FAM135B: variants seen among roughly 807,000 people sequenced by gnomAD.
The protein encoded by FAM135B is protein FAM135B.
A neutral mutation model predicts 127.7 loss-of-function variants in FAM135B; 43 were observed. The observed-to-expected ratio is 0.34, with a 90% CI of 0.26 to 0.43. The LOEUF (loss-of-function observed/expected upper bound fraction) is 0.43, where lower values mean the gene tolerates loss of function less well. FAM135B is among the 20% of genes least tolerant of loss of function. The probability of loss-of-function intolerance (pLI) is 1.00; values close to 1 mark genes in which losing one functional copy is unlikely to be tolerated. For missense variants in FAM135B, 1,558 were observed against 1,725.6 expected, an observed-to-expected ratio of 0.90 and a Z score of 1.72; for synonymous variants, 670 against 665.1, an observed-to-expected ratio of 1.01 and a Z score of -0.11.
chr8:138,260,484 TAA>T (rs1822457018), intron 4 of FAM135B, among the ~76,000 whole-genome samples: 1 of 152,162 alleles, frequency 6.6e-6, no homozygotes, highest in Non-Finnish European at 1.5e-5. Flanking sequence ...ACTGTTCTTA[TAA>T]CTCATCCTGA....
At chr8:138,426,037 AC>A (rs1243125366) in intron 1 of FAM135B, among the ~76,000 whole-genome samples, 1 of 80,274 alleles carries the variant, frequency 1.2e-5, no homozygotes, top group African/African-American at 6.9e-5. Context: ...ATACACACAC[AC>A]ACACACACAC....
intron 7 of FAM135B, among the ~76,000 whole-genome samples, chr8:138,199,401 G>T (rs1816926972): frequency 6.6e-6 from 1 of 152,180 alleles, no homozygotes; most frequent in Admixed American, 6.5e-5. Flanking sequence ...AGCAATATCT[G>T]TGCAGCTGTA....
At chr8:138,385,246 C>A (rs1832119994) in intron 1 of FAM135B, among the ~76,000 whole-genome samples, 1 of 152,180 alleles carries the variant, frequency 6.6e-6, no homozygotes, top group Non-Finnish European at 1.5e-5. Flanking sequence ...CTCTCAGTTG[C>A]TTTCCAGTAT....
Position 138,218,764 on chromosome 8 carries a change from C to CAGAG in FAM135B, c.670-21096_670-21095insCTCT, listed in dbSNP as rs1462758998. On this transcript the variant is annotated intron_variant, in intron 7 of 19. Transcript: ENST00000395297. Reference sequence around the variant, plus strand: ...TCCCAAACTTACACGCACACACACACACAGAGAGAGAGAGAGAGAGAGAGA... The same window carrying CAGAG: ...TCCCAAACTTACACGCACACACACACAGAGACAGAGAGAGAGAGAGAGAGAGAGA... Among the ~76,000 whole-genome samples the CAGAG allele has an allele frequency of 5.9e-5, 4 of 67,416 alleles. No homozygotes were observed. The South Asian group carries it at 3.0e-3, about 50-fold the overall frequency. The allele number at this position is 67,416 out of a possible 152,430, so 44.2% of individuals were successfully genotyped here.
chr8:138,317,330 G>T (rs1352260347), intron 2 of FAM135B, among the ~76,000 whole-genome samples: 3 of 152,138 alleles, frequency 2.0e-5, no homozygotes, highest in Non-Finnish European at 4.4e-5. Context: ...ATACAGATTA[G>T]TGGCTGCCAG....
At chr8:138,150,720 G>A (rs1273284359) in intron 13 of FAM135B, among the ~76,000 whole-genome samples, 6 of 151,748 alleles carry the variant, frequency 4.0e-5, no homozygotes. Flanking sequence ...AAAATTTAAA[G>A]GTTCATTTGT....
Position 138,152,968 on chromosome 8 carries a change from A to G in FAM135B, c.1507T>C (p.Ser503Pro), listed in dbSNP as rs2130787306. ...DMCSESQVYI[S>P]IGEFQNKAGV... The stretch of plus-strand genomic sequence containing the variant: ...GCTTTGTTTTGAAATTCACCAATTG[A>G]TATATACACCTGAGATTCAGAGCAC... Residue 503 changes from serine (S) to proline (P), a missense_variant, in exon 13 of 20, where the codon TCA (serine) becomes CCA (proline). This residue lies in a region of FAM135B where 923 missense variants were observed against 865.3 expected (regional missense o/e 1.07). Transcript: ENST00000395297. 1 of 1,614,210 alleles carries G rather than the reference A, an allele frequency of 6.2e-7. No individual in the cohort carries two copies. The highest frequency in any genetic ancestry group is 1.3e-5 in the African/African-American group (1 of 75,062).
rs1820878012 is a variant in FAM135B at position 138,242,384 on chromosome 8, G to A, written c.669+558C>T. Among the ~76,000 whole-genome samples, 1 of 151,974 alleles carries A rather than the reference G, an allele frequency of 6.6e-6. No individual in the cohort carries two copies. Among genetic ancestry groups the A allele is most frequent in the Non-Finnish European group, 1.5e-5 (1 of 68,018 alleles). On this transcript the variant is annotated intron_variant, in intron 7 of 19. Transcript: ENST00000395297. The surrounding 1 kb of genome is among the most constrained non-coding windows in gnomAD (Gnocchi z 9.6). Reference sequence around the variant, plus strand: ...GCCCTGCACATCACAGAAGAGCAGGGGATGTTTCCTAGGATAAAAGAACAA... The same window carrying A: ...GCCCTGCACATCACAGAAGAGCAGGAGATGTTTCCTAGGATAAAAGAACAA...
chr8:138,299,059 CAAAATAAATAAA>C (rs1825678931), intron 3 of FAM135B, among the ~76,000 whole-genome samples: 1 of 103,162 alleles, frequency 9.7e-6, no homozygotes, highest in African/African-American at 3.8e-5. Context: ...GATTCAGTCT[CAAAATAAATAAA>C]TAAATAAATA....
intron 1 of FAM135B, chr8:138,459,484 A>G (rs1317557062): frequency 2.0e-5 from 3 of 152,202 alleles, no homozygotes; most frequent in Non-Finnish European, 2.9e-5. Flanking sequence ...CAGATTATCA[A>G]CAACCATGAA....
At chr8:138,441,526 C>G (rs1835765058) in intron 1 of FAM135B, 1 of 152,332 alleles carries the variant, frequency 6.6e-6, no homozygotes, top group East Asian at 1.9e-4. Flanking sequence ...TAAATACACT[C>G]TCTTGAACAC....
intron 1 of FAM135B, among the ~76,000 whole-genome samples, chr8:138,467,303 A>C (rs547790295): frequency 1.3e-5 from 2 of 152,278 alleles, no homozygotes; most frequent in African/African-American, 4.8e-5. Context: ...TCGGAGGCAT[A>C]GTTGCTGGAC....
intron 7 of FAM135B, among the ~76,000 whole-genome samples, chr8:138,227,342 A>G (rs1342752294): frequency 6.6e-6 from 1 of 152,194 alleles, no homozygotes; most frequent in African/African-American, 2.4e-5. Context: ...GAATCTGCAA[A>G]TCAAGGGCAG....
chr8:138,452,239 T>C (rs1343741935), intron 1 of FAM135B, among the ~76,000 whole-genome samples: 1 of 151,012 alleles, frequency 6.6e-6, no homozygotes, highest in African/African-American at 2.4e-5. Flanking sequence ...AAGGAATCCT[T>C]CCACCTCAGC....
In FAM135B at chr8:138,141,287, C is replaced by T. The variant is rs751269488; in HGVS notation, c.3701G>A (p.Arg1234Gln). 19 of 1,613,972 alleles carry T rather than the reference C, an allele frequency of 1.2e-5. No homozygotes were observed. Among genetic ancestry groups the T allele is most frequent in the Non-Finnish European group, 1.5e-5 (18 of 1,180,034 alleles). The change falls in exon 17 of 20, where the codon CGG (arginine) becomes CAG (glutamine). Residue 1234 changes from arginine to glutamine, a missense_variant. By Grantham distance (43) the Arg-to-Gln change is conservative. Transcript: ENST00000395297. This position sits in a 1 kb window ranked among gnomAD's most constrained non-coding sequence, Gnocchi z 4.7. ...CGTGTGGAGTTTGTTGAGGTAATAC[C>T]GGAACCGGGGCCGTGTGAGGACCGA... ...IRSVLTRPRF[R>Q]YYLNKLHTFL...
intron 3 of FAM135B, among the ~76,000 whole-genome samples, chr8:138,301,437 A>G (rs561097140): frequency 1.3e-5 from 2 of 152,254 alleles, no homozygotes; most frequent in African/African-American, 4.8e-5. Context: ...TTCCACTGAT[A>G]TTCTTTCTAC....
At chr8:138,483,547 T>G (rs1264312621) in intron 1 of FAM135B, among the ~76,000 whole-genome samples, 1 of 152,220 alleles carries the variant, frequency 6.6e-6, no homozygotes, top group African/African-American at 2.4e-5. Flanking sequence ...TTTGTACATG[T>G]GTTTACAGGT....
chr8:138,344,152 A>G (rs773215087), intron 2 of FAM135B, among the ~76,000 whole-genome samples: 3 of 152,206 alleles, frequency 2.0e-5, no homozygotes, highest in Non-Finnish European at 4.4e-5. Flanking sequence ...GCAGGATTTG[A>G]GGTATCTTAC....
intron 3 of FAM135B, among the ~76,000 whole-genome samples, chr8:138,294,238 A>G (rs1384974958): frequency 6.6e-6 from 1 of 152,102 alleles, no homozygotes; most frequent in Non-Finnish European, 1.5e-5. Flanking sequence ...TTGGAGAATC[A>G]GAAAGAGGAG....
Sources: allele counts gnomAD v4.1 joint callset (sites outside exome capture counted in the v4.1 genomes callset), GRCh38; gene constraint gnomAD v4.1.1; regional missense constraint gnomAD v4.1.1; non-coding constraint Gnocchi (gnomAD v3.1); transcripts MANE v1.5; gene names NCBI Gene and HGNC (gene_info 2026-07-23, HGNC 2026-07-21).